The following EIPR1 variants were observed in gnomAD, a reference collection of about 807,000 sequenced individuals.
EIPR1 encodes the protein EARP complex and GARP complex interacting protein 1.
In EIPR1, 25 loss-of-function variants were observed where a neutral mutation model predicts 48.1. The observed-to-expected ratio is 0.52, with a 90% CI of 0.38 to 0.73. EIPR1 has a LOEUF of 0.73. Among genes scored for constraint, EIPR1 ranks in the 30% least tolerant of loss-of-function variants. EIPR1 has a pLI of 0.00. For missense variants in EIPR1, 415 were observed against 506.2 expected (o/e 0.82, Z 1.73); for synonymous variants, 204 against 201.9 (o/e 1.01, Z -0.09).
chr2:3,248,069 G>A (rs115783412), intron 4 of EIPR1, among the ~76,000 whole-genome samples: 1,923 of 152,178 alleles, frequency 0.013, 20 homozygotes, highest in African/African-American at 0.027. Context: ...GCATGGGGGC[G>A]GATCCCTCAT....
intron 3 of EIPR1, among the ~76,000 whole-genome samples, chr2:3,284,607 T>A (rs1018992890): frequency 6.6e-6 from 1 of 152,270 alleles, no homozygotes; most frequent in Admixed American, 6.5e-5. Context: ...TCAGCCCATC[T>A]AATGTCACTC....
intron 3 of EIPR1, among the ~76,000 whole-genome samples, chr2:3,275,766 T>C (rs1371105629): frequency 7.0e-6 from 1 of 143,812 alleles, no homozygotes; most frequent in African/African-American, 2.6e-5. Context: ...AATGGCTAAA[T>C]GTGAAAAGGC....
intron 3 of EIPR1, among the ~76,000 whole-genome samples, chr2:3,332,325 G>C (rs1448781601): frequency 1.3e-5 from 2 of 152,228 alleles, no homozygotes; most frequent in Non-Finnish European, 2.9e-5. Context: ...ACACAAATTG[G>C]GGAGGGAGGT....
chr2:3,254,912 G>C (rs558948858), intron 4 of EIPR1, among the ~76,000 whole-genome samples: 128 of 152,366 alleles, frequency 8.4e-4, no homozygotes, highest in Non-Finnish European at 1.4e-3. Flanking sequence ...TTTCCTGTTT[G>C]TGATACAGTA....
Position 3,220,809 on chromosome 2 carries a change from G to C in EIPR1, c.417-6561C>G, listed in dbSNP as rs540753611. On this transcript the variant is annotated intron_variant, in intron 4 of 8. Transcript: ENST00000382125. ...TGAGTCCGGAACACACGCACACAAT[G>C]GCCGAGGTGCACACTAGAGCATTCA... Among the ~76,000 whole-genome samples, 957 of 149,078 alleles carry C rather than the reference G, an allele frequency of 6.4e-3. 4 individuals are homozygous for C. The highest frequency in any genetic ancestry group is 0.01 in the Non-Finnish European group (708 of 67,474).
Position 3,274,366 on chromosome 2 carries a change from C to A in EIPR1, c.260-16911G>T, listed in dbSNP as rs561892570. 1.6e-4 allele frequency: 253 copies of A among 1,550,498 alleles called. No homozygotes were observed. In the African/African-American group the frequency reaches 2.7e-3, roughly 17 times the overall value. Reference sequence around the variant, plus strand: ...GTTGCCAGTGCTATGAACAGTTGGGCAGCTGACTTCCCAAGAGCACCAAAG... The same window carrying A: ...GTTGCCAGTGCTATGAACAGTTGGGAAGCTGACTTCCCAAGAGCACCAAAG... On this transcript the variant is annotated intron_variant, in intron 3 of 8. Coordinates refer to ENST00000382125, the MANE Select transcript of EIPR1 (RefSeq NM_003310.5).
At chr2:3,208,472 G>C in intron 5 of EIPR1, 2 of 1,507,712 alleles carry the variant, frequency 1.3e-6, no homozygotes, top group African/African-American at 2.8e-5. Flanking sequence ...CTTCTCATCT[G>C]TCAGTTGGGA....
At chr2:3,202,892 T>C (rs954602699) in intron 5 of EIPR1, among the ~76,000 whole-genome samples, 1 of 152,202 alleles carries the variant, frequency 6.6e-6, no homozygotes, top group African/African-American at 2.4e-5. Context: ...CCAATTAGCC[T>C]TGCAGCTGAT....
chr2:3,219,461 C>CAGTG (rs1665787416), intron 4 of EIPR1, among the ~76,000 whole-genome samples: 3 of 151,004 alleles, frequency 2.0e-5, no homozygotes, highest in Admixed American at 2.0e-4. Flanking sequence ...AGAGCTTTCA[C>CAGTG]AGTGAGTCAG....
chr2:3,304,288 G>C (rs758069085), intron 3 of EIPR1, among the ~76,000 whole-genome samples: 3 of 152,182 alleles, frequency 2.0e-5, no homozygotes, highest in Non-Finnish European at 4.4e-5. Flanking sequence ...AAGTGTCCAG[G>C]GTTCCCAGCG....
chr2:3,239,617 C>T (rs1327260127), intron 4 of EIPR1, among the ~76,000 whole-genome samples: 1 of 152,086 alleles, frequency 6.6e-6, no homozygotes, highest in Non-Finnish European at 1.5e-5. Flanking sequence ...GGCATCCCTT[C>T]CTGGCTGCTC....
intron 4 of EIPR1, among the ~76,000 whole-genome samples, chr2:3,244,915 A>G (rs1302080469): frequency 6.6e-6 from 1 of 152,200 alleles, no homozygotes; most frequent in Non-Finnish European, 1.5e-5. Flanking sequence ...GAACCACATT[A>G]TTTAATGGAA....
rs34141710 is a variant in EIPR1 at position 3,368,376 on chromosome 2, C to T, written c.42+9272G>A. Among the ~76,000 whole-genome samples, 407 of 152,340 alleles carry T rather than the reference C, an allele frequency of 2.7e-3. 2 individuals are homozygous for T. In the Middle Eastern group the frequency reaches 0.027, roughly 10 times the overall value. On this transcript the variant is annotated intron_variant, in intron 1 of 8. Coordinates refer to ENST00000382125, the MANE Select transcript of EIPR1 (RefSeq NM_003310.5). ...ATCATTGTCACCCACCTTCCCACCC[C>T]GACCGTCCTTTCTGGTCTGGCCCAG...
At chr2:3,326,629 A>T (rs1558300352) in intron 3 of EIPR1, among the ~76,000 whole-genome samples, 1 of 152,202 alleles carries the variant, frequency 6.6e-6, no homozygotes, top group Non-Finnish European at 1.5e-5. Context: ...AAGAAGCGAG[A>T]CAGAGAAAGG....
intron 3 of EIPR1, among the ~76,000 whole-genome samples, chr2:3,310,676 G>C (rs78523305): frequency 0.22 from 28,321 of 127,532 alleles, 4,487 homozygotes; most frequent in East Asian, 0.61. Context: ...AAAAAAAAAA[G>C]TCTTGATAAT....
At chr2:3,230,023 T>A (rs1360435660) in intron 4 of EIPR1, among the ~76,000 whole-genome samples, 1 of 152,198 alleles carries the variant, frequency 6.6e-6, no homozygotes, top group Non-Finnish European at 1.5e-5. Flanking sequence ...AGACAATTCT[T>A]CCCCATCCAT....
At chr2:3,364,284 GGATA>G (rs1362802303) in intron 1 of EIPR1, among the ~76,000 whole-genome samples, 1 of 152,136 alleles carries the variant, frequency 6.6e-6, no homozygotes, top group African/African-American at 2.4e-5. Context: ...ACAGATGAAT[GGATA>G]AAGAAAATGT....
At chr2:3,352,812 C>T (rs1287238885) in intron 2 of EIPR1, among the ~76,000 whole-genome samples, 2 of 152,198 alleles carry the variant, frequency 1.3e-5, no homozygotes, top group Non-Finnish European at 2.9e-5. Context: ...GCCTGGCCAA[C>T]GTGGTGAAAC....
At chr2:3,220,201 A>C (rs1460467966) in intron 4 of EIPR1, among the ~76,000 whole-genome samples, 1 of 152,212 alleles carries the variant, frequency 6.6e-6, no homozygotes, top group African/African-American at 2.4e-5. Context: ...ACTGCCATAG[A>C]GCATTTACAA....
Sources: gnomAD v4.1 joint callset for allele counts (sites outside exome capture counted in the v4.1 genomes callset) on GRCh38, gnomAD v4.1.1 for gene constraint, MANE v1.5 for transcripts, NCBI Gene and HGNC (gene_info 2026-07-23, HGNC 2026-07-21) for gene names.